DAPK2: variants seen among roughly 807,000 people sequenced by gnomAD.
DAPK2 encodes the protein death associated protein kinase 2, also known as death-associated protein kinase 2.
DAPK2 carries 35 observed loss-of-function variants against 44.1 expected under a neutral mutation model. The ratio of observed to expected loss-of-function variants is 0.79; its 90% CI spans 0.61 to 1.05. The LOEUF (loss-of-function observed/expected upper bound fraction) is 1.05, where lower values mean the gene tolerates loss of function less well. Ranked by LOEUF, DAPK2 falls within the 50% of genes least tolerant of loss-of-function variation. DAPK2 has a pLI of 0.00. For synonymous variants in DAPK2, 174 were observed against 182.6 expected (o/e 0.95, Z 0.38); for missense variants, 453 against 483.2 (o/e 0.94, Z 0.59).
At chr15:63,981,348 T>C (rs1365170995) in intron 2 of DAPK2, among the ~76,000 whole-genome samples, 1 of 152,142 alleles carries the variant, frequency 6.6e-6, no homozygotes, top group Non-Finnish European at 1.5e-5. Context: ...TCAGCCTCCA[T>C]AACTGTAAGA....
intron 1 of DAPK2, among the ~76,000 whole-genome samples, chr15:64,027,689 G>C (rs565327814): frequency 6.6e-6 from 1 of 152,226 alleles, no homozygotes; most frequent in Non-Finnish European, 1.5e-5. Context: ...TTTCCCCACA[G>C]TGAAAATGTT....
At chr15:63,998,393 T>G (rs1380002663) in intron 1 of DAPK2, among the ~76,000 whole-genome samples, 1 of 152,098 alleles carries the variant, frequency 6.6e-6, no homozygotes, top group African/African-American at 2.4e-5. Context: ...GAAGCCAGGT[T>G]GTGTCTCAAT....
intron 1 of DAPK2, among the ~76,000 whole-genome samples, chr15:64,019,106 T>C (rs1443872596): frequency 6.6e-6 from 1 of 152,156 alleles, no homozygotes; most frequent in Non-Finnish European, 1.5e-5. Flanking sequence ...ACCCCAACAT[T>C]CCAAATCCTG....
rs910476114 is a variant in DAPK2, at chr15:63,922,316, T to C, written c.858+2500A>G. The C allele has an allele frequency of 8.0e-6, 8 of 997,696 alleles. No homozygotes were observed. In the African/African-American group the frequency reaches 1.2e-4, roughly 15 times the overall value. The allele number at this position is 997,696 out of a possible 1,614,324, so 61.8% of individuals were successfully genotyped here. A position where few individuals can be genotyped will look rare whatever the true frequency, so the allele number is the denominator to read the frequency against. ...CTGCTTCTGTAGCAGGAAAGCACCA[T>C]GCTGACTTAGTTATTCCTAATTAAC... is the stretch of plus-strand genomic sequence containing the variant. On this transcript the variant is annotated intron_variant, in intron 8 of 10. Transcript: ENST00000261891.
chr15:64,040,897 GAAAAAA>G (rs3056980), upstream of DAPK2, among the ~76,000 whole-genome samples: 27 of 83,420 alleles, frequency 3.2e-4, no homozygotes, highest in African/African-American at 1.1e-3. Context: ...CTGGGCAACA[GAAAAAA>G]AAAAAAAAAA....
At chr15:63,987,890 T>A (rs1238251094) in intron 1 of DAPK2, among the ~76,000 whole-genome samples, 2 of 152,126 alleles carry the variant, frequency 1.3e-5, no homozygotes, top group Admixed American at 6.5e-5. Context: ...ATGGGGATGA[T>A]AATACCTGCC....
intron 3 of DAPK2, among the ~76,000 whole-genome samples, chr15:63,969,205 G>T (rs911262054): frequency 6.6e-6 from 1 of 151,668 alleles, no homozygotes; most frequent in Non-Finnish European, 1.5e-5. Flanking sequence ...GATTGCTTGA[G>T]CCTAGGAGTT....
At chr15:63,960,234 T>C (rs1052452434) in intron 3 of DAPK2, among the ~76,000 whole-genome samples, 8 of 152,224 alleles carry the variant, frequency 5.3e-5, no homozygotes, top group African/African-American at 1.9e-4. Flanking sequence ...ATCTATTTGA[T>C]TCTTCTCTCT....
At chr15:63,938,780 G>C (rs557763485) in intron 4 of DAPK2, among the ~76,000 whole-genome samples, 1 of 152,354 alleles carries the variant, frequency 6.6e-6, no homozygotes, top group African/African-American at 2.4e-5. Flanking sequence ...CATGAATAAA[G>C]CCAGGCATAG....
intron 1 of DAPK2, among the ~76,000 whole-genome samples, chr15:64,000,662 T>C (rs1036252974): frequency 1.3e-5 from 2 of 151,864 alleles, no homozygotes; most frequent in Non-Finnish European, 2.9e-5. Flanking sequence ...GGCATGATGC[T>C]GGGGGTGGGG....
chr15:64,000,165 G>GACTACT (rs1014582154), intron 1 of DAPK2, among the ~76,000 whole-genome samples: 1 of 143,610 alleles, frequency 7.0e-6, no homozygotes, highest in Non-Finnish European at 1.5e-5. Context: ...GCACTTGCCT[G>GACTACT]ACTACTACTA....
Position 63,966,427 on chromosome 15 carries a change from C to T in DAPK2, c.453+4996G>A, listed in dbSNP as rs1427300429. ...AGGTGTGGTACAAGCACTTCCTTGG[C>T]CATCCCAACTGATGTCTCACTAGGT... On this transcript the variant is annotated intron_variant, in intron 3 of 10. Coordinates refer to ENST00000261891, the Ensembl canonical transcript of DAPK2. This position sits in a 1 kb window ranked among gnomAD's most constrained non-coding sequence, Gnocchi z 5.5. Among the ~76,000 whole-genome samples, 1 of 152,190 alleles carries T rather than the reference C, an allele frequency of 6.6e-6. No individual in the cohort carries two copies. Among genetic ancestry groups the T allele is most frequent in the Non-Finnish European group, 1.5e-5 (1 of 68,030 alleles).
At chr15:64,026,817 G>C (rs973073617) in intron 1 of DAPK2, among the ~76,000 whole-genome samples, 6 of 152,308 alleles carry the variant, frequency 3.9e-5, no homozygotes, top group African/African-American at 1.4e-4. Context: ...ATAGGGAAGA[G>C]CTCTGCATTT....
rs1216735072 is a variant in DAPK2 at position 64,031,006 on chromosome 15, A to ACACACACACG, written c.92+9154_92+9163dup. 7.9e-5 allele frequency among the ~76,000 whole-genome samples: 12 copies of ACACACACACG among 151,646 alleles called. No individual in the cohort carries two copies. In the East Asian group the frequency reaches 2.3e-3, roughly 30 times the overall value. On this transcript the variant is annotated intron_variant, in intron 1 of 10. Transcript: ENST00000261891. ...CACACACACACACACACACACACACACACACACACGGAATTTGCATAGTAT... is the reference window on the plus strand; with the variant it reads ...CACACACACACACACACACACACACACACACACACGCACACACACGGAATTTGCATAGTAT...
upstream of DAPK2, among the ~76,000 whole-genome samples, chr15:64,043,651 G>A (rs534126187): frequency 7.9e-5 from 12 of 152,322 alleles, no homozygotes; most frequent in South Asian, 2.5e-3. Context: ...GTTGTTTCCT[G>A]ATCTGGGTGG....
intron 4 of DAPK2, 136 bp from the exon 6 acceptor site, chr15:63,930,591 G>A (rs2140373060): frequency 2.6e-6 from 2 of 773,442 alleles, no homozygotes; most frequent in Non-Finnish European, 4.4e-6. Flanking sequence ...AGATAAAGGT[G>A]ATCTGCATCT....
intron 1 of DAPK2, among the ~76,000 whole-genome samples, chr15:64,015,253 AC>A (rs1472217579): frequency 2.0e-5 from 3 of 152,214 alleles, no homozygotes; most frequent in Non-Finnish European, 4.4e-5. Flanking sequence ...CAGGACAACG[AC>A]AGCATGTTCG....
At chr15:64,010,225 C>G (rs2079352854) in intron 1 of DAPK2, among the ~76,000 whole-genome samples, 1 of 152,168 alleles carries the variant, frequency 6.6e-6, no homozygotes, top group African/African-American at 2.4e-5. Context: ...TCTGAGGATT[C>G]TAATGCCCAC....
intron 1 of DAPK2, chr15:64,029,737 G>T (rs981889085): frequency 6.6e-6 from 1 of 152,330 alleles, no homozygotes; most frequent in African/African-American, 2.4e-5. Flanking sequence ...GTACAGACAT[G>T]CACATACTCA....
Sources: gnomAD v4.1 joint callset for allele counts (sites outside exome capture counted in the v4.1 genomes callset) on GRCh38, gnomAD v4.1.1 for gene constraint, Gnocchi (gnomAD v3.1) non-coding constraint, MANE v1.5 for transcripts, NCBI Gene and HGNC (gene_info 2026-07-23, HGNC 2026-07-21) for gene names.